The following KDM2B variants were observed in gnomAD, a reference collection of about 807,000 sequenced individuals.
KDM2B encodes the protein lysine demethylase 2B.
Under a neutral mutation model 150.0 loss-of-function variants are expected in KDM2B, and 26 were observed. The ratio of observed to expected loss-of-function variants is 0.17; its 90% confidence interval spans 0.13 to 0.24. The LOEUF (loss-of-function observed/expected upper bound fraction) is 0.24. Among genes scored for constraint, KDM2B ranks in the 10% least tolerant of loss-of-function variants. The pLI is 1.00. For missense variants in KDM2B, 1,265 were observed against 1,816.9 expected, an observed-to-expected ratio of 0.70 and a Z score of 5.52; for synonymous variants, 734 against 729.5, an observed-to-expected ratio of 1.01 and a Z score of -0.10.
chr12:121,444,162 C>A lies in KDM2B; in HGVS notation c.2301G>T (p.Arg767Ser). Residue 767 changes from arginine (R) to serine (S), a missense_variant, in exon 16 of 23, where the codon AGG becomes AGT. Arg to Ser is a moderately radical substitution (Grantham distance 110). Around this residue, in one of 11 missense-constraint regions of KDM2B, gnomAD observed 418 missense variants for 402.4 expected, o/e 1.04. Transcript: ENST00000377071. Reference sequence around the variant, plus strand: ...GCCGGGGCGCCTCCTCACACTCACTCCTCCGCTTGGCAGGTTCCTGCCCTT... The same window carrying A: ...GCCGGGGCGCCTCCTCACACTCACTACTCCGCTTGGCAGGTTCCTGCCCTT... The part of the protein sequence containing the change: ...NKEGQEPAKR[R>S]SECEEAPRRR... The A allele has an allele frequency of 1.2e-6, 2 of 1,612,616 alleles. No homozygotes were observed. Among genetic ancestry groups the A allele is most frequent in the Non-Finnish European group, 1.7e-6 (2 of 1,180,036 alleles).
chr12:121,499,463 A>G (rs1165110578), intron 11 of KDM2B, among the ~76,000 whole-genome samples: 1 of 151,882 alleles, frequency 6.6e-6, no homozygotes, highest in Non-Finnish European at 1.5e-5. Context: ...AGCCTGGGAA[A>G]CACAGCGAGA....
At chr12:121,480,929 G>GT (rs1380212585) in intron 12 of KDM2B, among the ~76,000 whole-genome samples, 36 of 144,136 alleles carry the variant, frequency 2.5e-4, no homozygotes, top group African/African-American at 8.7e-4. Flanking sequence ...TGTTTTTTTT[G>GT]TTGTTTTTTT....
At chr12:121,534,897 G>A (rs1240307435) in intron 6 of KDM2B, among the ~76,000 whole-genome samples, 1 of 152,024 alleles carries the variant, frequency 6.6e-6, no homozygotes, top group African/African-American at 2.4e-5. Flanking sequence ...TAACGGGGTG[G>A]GTTTCTACCT....
At position 121,549,411 on chromosome 12, in the gene KDM2B, G is replaced by A; in HGVS notation, c.576+49C>T. On this transcript the variant is annotated intron_variant, in intron 5 of 22. Coordinates refer to ENST00000377071, the MANE Select transcript of KDM2B (RefSeq NM_032590.5). The surrounding 1 kb of genome is among the most constrained non-coding windows in gnomAD (Gnocchi z 4.4). The stretch of plus-strand genomic sequence containing the variant: ...CCCAGGTGGCAGGGGGACAGGGAAG[G>A]AGATGAGGTGGAAGGTATCTGGGGA... 1 of 1,500,190 alleles carries A rather than the reference G, an allele frequency of 6.7e-7. No homozygotes were observed. The highest frequency in any genetic ancestry group is 9.0e-7 in the Non-Finnish European group (1 of 1,106,162). The allele number at this position is 1,500,190 out of a possible 1,614,324, so 92.9% of individuals were successfully genotyped here. A position where few individuals can be genotyped will look rare whatever the true frequency, so the allele number is the denominator to read the frequency against.
At chr12:121,539,217 C>CA (rs1228226982) in intron 6 of KDM2B, among the ~76,000 whole-genome samples, 1 of 150,874 alleles carries the variant, frequency 6.6e-6, no homozygotes. Flanking sequence ...CCTGTAGTCC[C>CA]AGCTACCAGG....
At chr12:121,561,882 C>A (rs782644137) in intron 4 of KDM2B, among the ~76,000 whole-genome samples, 1 of 152,186 alleles carries the variant, frequency 6.6e-6, no homozygotes, top group African/African-American at 2.4e-5. Context: ...GATTTTAAAC[C>A]AACTTTAGGC....
rs782020359 is a variant in KDM2B, at chr12:121,580,850, G to T, written c.62C>A (p.Ala21Glu). ...AACTGTTTTCTTTTTTTGCTTTTCT[G>T]CTGCATGTCTTTTTCGTGGGGGGTG... ...EDHPPRKRHA[A>E]EKQKKKTVIY... is the part of the protein sequence containing the mutation. Residue 21 changes from alanine to glutamate, a missense_variant, in exon 1 of 23, where the codon GCA (alanine) becomes GAA (glutamate). Coordinates refer to ENST00000377071, the MANE Select transcript of KDM2B (RefSeq NM_032590.5). 6.2e-7 allele frequency: 1 copy of T among 1,613,802 alleles called. No individual in the cohort carries two copies. The highest frequency in any genetic ancestry group is 1.7e-5 in the Admixed American group (1 of 59,994).
At chr12:121,462,959 A>G (rs1321786506) in intron 12 of KDM2B, among the ~76,000 whole-genome samples, 3 of 150,000 alleles carry the variant, frequency 2.0e-5, no homozygotes, top group Admixed American at 1.3e-4. Context: ...AAAATTAGCC[A>G]GGTGTGATGG....
intron 4 of KDM2B, among the ~76,000 whole-genome samples, chr12:121,572,534 C>T (rs988465068): frequency 2.6e-5 from 4 of 152,214 alleles, no homozygotes; most frequent in Admixed American, 6.6e-5. Context: ...TTCAAATGCC[C>T]CCCTTCATCC....
At chr12:121,423,504 C>T in the KDM2B span, 28 of 1,614,022 alleles carry the variant, frequency 1.7e-5, no homozygotes, top group East Asian at 8.9e-5. This position sits in a 1 kb window ranked among gnomAD's most constrained non-coding sequence, Gnocchi z 4.3. Flanking sequence ...GCACCAAGTG[C>T]GGCAAGCGCA....
chr12:121,409,332 A>G, the KDM2B span: 83,767 of 152,002 alleles, frequency 0.55, 23,394 homozygotes, highest in East Asian at 0.68. Flanking sequence ...AGTGGGATGC[A>G]AAATACTACA....
the KDM2B span, chr12:121,417,927 T>G: frequency 1.2e-6 from 2 of 1,609,098 alleles, no homozygotes; most frequent in South Asian, 2.2e-5. This position sits in a 1 kb window ranked among gnomAD's most constrained non-coding sequence, Gnocchi z 5.0. Flanking sequence ...AGGGGGTAAC[T>G]AATTACACCC....
At chr12:121,485,058 GGA>G (rs1470419621) in intron 12 of KDM2B, among the ~76,000 whole-genome samples, 3 of 152,080 alleles carry the variant, frequency 2.0e-5, no homozygotes, top group Admixed American at 6.6e-5. Flanking sequence ...TACAAGCCAA[GGA>G]GAGAGGCCTG....
At chr12:121,566,202 ACTT>A (rs1555314903) in intron 4 of KDM2B, among the ~76,000 whole-genome samples, 1 of 152,116 alleles carries the variant, frequency 6.6e-6, no homozygotes, top group African/African-American at 2.4e-5. Context: ...AAAATTAAGA[ACTT>A]CTAGGCCAGG....
At chr12:121,505,461 A>T (rs541274064) in intron 11 of KDM2B, among the ~76,000 whole-genome samples, 24 of 152,224 alleles carry the variant, frequency 1.6e-4, no homozygotes, top group African/African-American at 5.5e-4. Flanking sequence ...CAACACAGCG[A>T]GACCTCTGTC....
chr12:121,484,108 G>A (rs782632097), intron 12 of KDM2B, among the ~76,000 whole-genome samples: 3 of 152,100 alleles, frequency 2.0e-5, no homozygotes, highest in African/African-American at 4.8e-5. Context: ...TCAATACCCC[G>A]CCTCCCTCTC....
At chr12:121,565,733 C>A (rs1203532696) in intron 4 of KDM2B, among the ~76,000 whole-genome samples, 1 of 152,126 alleles carries the variant, frequency 6.6e-6, no homozygotes, top group Non-Finnish European at 1.5e-5. Context: ...TCAAGCAATT[C>A]TCCTGCCCCA....
chr12:121,518,019 A>G lies in KDM2B; in HGVS notation c.1047+2966T>C, dbSNP rs1886375305. Among the ~76,000 whole-genome samples the G allele has an allele frequency of 6.6e-6, 1 of 151,538 alleles. No homozygotes were observed. Among genetic ancestry groups the G allele is most frequent in the Non-Finnish European group, 1.5e-5 (1 of 67,938 alleles). ...GCAATTCTCCTGCCTCAGCCTCCTG[A>G]GTAGCTGGGATTACAGGCACACACC... On this transcript the variant is annotated intron_variant, in intron 9 of 22. Coordinates refer to ENST00000377071, the MANE Select transcript of KDM2B (RefSeq NM_032590.5). The surrounding 1 kb of genome is among the most constrained non-coding windows in gnomAD (Gnocchi z 4.4).
Position 121,513,486 on chromosome 12 carries a change from C to G in KDM2B, c.1048-84G>C. On this transcript the variant is annotated intron_variant, in intron 9 of 22. Coordinates refer to ENST00000377071, the MANE Select transcript of KDM2B (RefSeq NM_032590.5). This position sits in a 1 kb window ranked among gnomAD's most constrained non-coding sequence, Gnocchi z 5.0. ...GGGAGAGAAGTGCGGGGCAGGCTCC[C>G]TGCAGGTGAGGGTCACTGTCATCAT... The G allele has an allele frequency of 3.3e-6, 5 of 1,493,144 alleles. No individual in the cohort carries two copies. The highest frequency in any genetic ancestry group is 4.6e-6 in the Non-Finnish European group (5 of 1,082,316). 92.5% of individuals were successfully genotyped at this position (1,493,144 alleles called of 1,614,324 possible). A position where few individuals can be genotyped will look rare whatever the true frequency, so the allele number is the denominator to read the frequency against.
Sources: gnomAD v4.1 joint callset for allele counts (sites outside exome capture counted in the v4.1 genomes callset) on GRCh38, gnomAD v4.1.1 for gene constraint, gnomAD v4.1.1 regional missense constraint, Gnocchi (gnomAD v3.1) non-coding constraint, MANE v1.5 for transcripts, NCBI Gene and HGNC (gene_info 2026-07-23, HGNC 2026-07-21) for gene names.